Variants in CLTC observed in about 807,000 individuals in gnomAD.
The protein encoded by CLTC is clathrin heavy chain.
In CLTC, 16 loss-of-function variants were observed where a neutral mutation model predicts 195.8. The observed-to-expected ratio is 0.08, with a 90% CI of 0.06 to 0.12. CLTC has a LOEUF of 0.12. CLTC is among the 10% of genes least tolerant of loss of function. The probability of loss-of-function intolerance (pLI) is 1.00; values close to 1 mark genes in which losing one functional copy is unlikely to be tolerated. For missense variants in CLTC, 796 were observed against 2,027.0 expected (o/e 0.39, Z 11.66); for synonymous variants, 667 against 689.4 (o/e 0.97, Z 0.51).
chr17:59,696,557 G>A lies in CLTC; in HGVS notation c.*2705G>A, dbSNP rs2033431252. 9.4e-6 allele frequency: 2 copies of A among 211,972 alleles called. No individual in the cohort carries two copies. The highest frequency in any genetic ancestry group is 1.2e-4 in the Admixed American group (2 of 17,076). The allele number at this position is 211,972 out of a possible 1,614,324, so 13.1% of individuals were successfully genotyped here. A position where few individuals can be genotyped will look rare whatever the true frequency, so the allele number is the denominator to read the frequency against. ...TTTCTAACAAGATGACTATCAGGAA[G>A]CTATGTGGCTTGGGGAGTTGGGACC... On this transcript the variant is annotated 3_prime_UTR_variant, in exon 32 of 32. Coordinates refer to ENST00000269122, the MANE Select transcript of CLTC (RefSeq NM_004859.4).
In CLTC at chr17:59,654,655, G is replaced by A. The variant is rs548927268; in HGVS notation, c.796-1199G>A. 2.1e-3 allele frequency among the ~76,000 whole-genome samples: 317 copies of A among 151,984 alleles called. 3 individuals are homozygous for A. The highest frequency in any genetic ancestry group is 7.4e-3 in the East Asian group (38 of 5,164). ...CTGCCATGCCTGGCTAATTTCTTCC[G>A]TATTTAGTAGAGACAGGGTTTCACT... On this transcript the variant is annotated intron_variant, in intron 5 of 31. Transcript: ENST00000269122.
chr17:59,661,501 G>A lies in CLTC; in HGVS notation c.1226G>A (p.Gly409Asp). Residue 409 changes from glycine (G) to aspartate (D), a missense_variant, in exon 8 of 32, where the codon GGT (glycine) becomes GAT (aspartate). By Grantham distance (94) the Gly-to-Asp change is moderately conservative. Around this residue, in one of 9 missense-constraint regions of CLTC, gnomAD observed 293 missense variants for 795.6 expected, o/e 0.37. Coordinates refer to ENST00000269122, the MANE Select transcript of CLTC (RefSeq NM_004859.4). Reference sequence around the variant, plus strand: ...TTCCAGAGTGTCCCAGCCCAGCCAGGTCAAACTTCTCCTCTACTTCAGTAC... The same window carrying A: ...TTCCAGAGTGTCCCAGCCCAGCCAGATCAAACTTCTCCTCTACTTCAGTAC... ...RRFQSVPAQP[G>D]QTSPLLQYFG... 6.2e-7 allele frequency: 1 copy of A among 1,614,090 alleles called. No individual in the cohort carries two copies. Among genetic ancestry groups the A allele is most frequent in the Admixed American group, 1.7e-5 (1 of 60,014 alleles).
At chr17:59,668,381 T>C (rs2032776834) in intron 13 of CLTC, among the ~76,000 whole-genome samples, 1 of 152,164 alleles carries the variant, frequency 6.6e-6, no homozygotes, top group Non-Finnish European at 1.5e-5. Context: ...ACACCATCTC[T>C]ACAAAAATTT....
intron 6 of CLTC, 113 bp from the exon 7 acceptor site, chr17:59,660,278 C>A: frequency 2.3e-6 from 2 of 853,176 alleles, no homozygotes; most frequent in Non-Finnish European, 1.8e-6. Flanking sequence ...AAGAAAACAG[C>A]TGTCACAATT....
At position 59,683,882 on chromosome 17, in the gene CLTC, A is replaced by G. The variant is rs1433786906; in HGVS notation, c.4331A>G (p.Gln1444Arg). The change falls in exon 28 of 32, where the codon CAG (glutamine) becomes CGG (arginine). Residue 1444 changes from glutamine (Q) to arginine (R), a missense_variant. Physicochemically the swap from Gln to Arg is conservative, Grantham distance 43. This residue lies in a region of CLTC where 148 missense variants were observed against 279.5 expected (regional missense o/e 0.53). Transcript: ENST00000269122. This position sits in a 1 kb window ranked among gnomAD's most constrained non-coding sequence, Gnocchi z 6.1. ...RAVNYFSKVK[Q>R]LPLVKPYLRS... ...AAACTCTTTATTTTAAAGGTTAAACAGCTACCACTGGTGAAACCGTATTTG... is the reference window on the plus strand; with the variant it reads ...AAACTCTTTATTTTAAAGGTTAAACGGCTACCACTGGTGAAACCGTATTTG... 21 of 1,613,354 alleles carry G rather than the reference A, an allele frequency of 1.3e-5. No individual in the cohort carries two copies. Among genetic ancestry groups the G allele is most frequent in the Non-Finnish European group, 1.8e-5 (21 of 1,179,460 alleles).
In CLTC at chr17:59,682,651, A is replaced by G. The variant is rs2033104983; in HGVS notation, c.3623A>G (p.Glu1208Gly). The G allele has an allele frequency of 6.2e-7, 1 of 1,614,026 alleles. No individual in the cohort carries two copies. ...IQQVGDRCYD[E>G]KMYDAAKLLY... ...CAGGTTGGTGACCGTTGTTATGATGAAAAAATGTATGATGCTGCTAAGTTG... is the reference window on the plus strand; with the variant it reads ...CAGGTTGGTGACCGTTGTTATGATGGAAAAATGTATGATGCTGCTAAGTTG... Residue 1208 changes from glutamate (E) to glycine (G), a missense_variant, in exon 23 of 32, where the codon GAA (glutamate) becomes GGA (glycine). Coordinates refer to ENST00000269122, the MANE Select transcript of CLTC (RefSeq NM_004859.4). This position sits in a 1 kb window ranked among gnomAD's most constrained non-coding sequence, Gnocchi z 6.8.
At chr17:59,653,527 C>T (rs1227843726) in intron 5 of CLTC, among the ~76,000 whole-genome samples, 3 of 151,294 alleles carry the variant, frequency 2.0e-5, no homozygotes, top group African/African-American at 7.3e-5. Context: ...CCCTCTCCTC[C>T]TCTCTCCCCC....
At chr17:59,630,640 C>G (rs1337576724) in intron 1 of CLTC, among the ~76,000 whole-genome samples, 1 of 152,162 alleles carries the variant, frequency 6.6e-6, no homozygotes, top group Non-Finnish European at 1.5e-5. Context: ...TTTACCTGTT[C>G]TGGATATTTC....
At position 59,666,735 on chromosome 17, in the gene CLTC, A is replaced by T; in HGVS notation, c.1948-62A>T. The T allele has an allele frequency of 6.4e-7, 1 of 1,553,092 alleles. No individual in the cohort carries two copies. Among genetic ancestry groups the T allele is most frequent in the Non-Finnish European group, 8.8e-7 (1 of 1,136,804 alleles). ...TGTGGTACTAAATATTAATAATTTC[A>T]TACCACCATGAGGTTCAACATTATT... On this transcript the variant is annotated intron_variant, in intron 12 of 31. Transcript: ENST00000269122. This position sits in a 1 kb window ranked among gnomAD's most constrained non-coding sequence, Gnocchi z 4.9.
intron 31 of CLTC, among the ~76,000 whole-genome samples, chr17:59,692,650 T>TC (rs913529171): frequency 3.3e-5 from 5 of 152,128 alleles, no homozygotes; most frequent in Non-Finnish European, 7.4e-5. Flanking sequence ...TCTTTTTTTT[T>TC]CCCCCAAGAT....
chr17:59,643,135 GTGTGTGTGTGTGT>G (rs2032089003), intron 1 of CLTC, among the ~76,000 whole-genome samples: 1 of 138,626 alleles, frequency 7.2e-6, no homozygotes, highest in Non-Finnish European at 1.5e-5. Context: ...TTTCTGGGGT[GTGTGTGTGTGTGT>G]GTGTGTGTGT....
chr17:59,653,220 GTC>G (rs1192363418), intron 5 of CLTC, among the ~76,000 whole-genome samples: 3 of 151,312 alleles, frequency 2.0e-5, no homozygotes, highest in East Asian at 1.9e-4. Flanking sequence ...TTGAGACAGA[GTC>G]TCTCTCTGTC....
In CLTC at chr17:59,657,902, A is replaced by T. The variant is rs188909435; in HGVS notation, c.969+1875A>T. On this transcript the variant is annotated intron_variant, in intron 6 of 31. Coordinates refer to ENST00000269122, the MANE Select transcript of CLTC (RefSeq NM_004859.4). The stretch of plus-strand genomic sequence containing the variant: ...TAAACTCTTAATTAATTAAAAAAAT[A>T]AAAAAAAAGACAGGGGCTGGGCACA... Among the ~76,000 whole-genome samples the T allele has an allele frequency of 6.6e-4, 99 of 150,756 alleles. 2 individuals carry two copies. The highest frequency in any genetic ancestry group is 5.0e-3 in the Admixed American group (76 of 15,080).
chr17:59,692,204 C>T (rs1169892747), intron 31 of CLTC, among the ~76,000 whole-genome samples: 4 of 152,200 alleles, frequency 2.6e-5, no homozygotes, highest in Non-Finnish European at 5.9e-5. Flanking sequence ...GTAGTCCCAG[C>T]TACTTGGGAG....
intron 2 of CLTC, among the ~76,000 whole-genome samples, chr17:59,645,289 T>G (rs2032161132): frequency 6.6e-6 from 1 of 152,242 alleles, no homozygotes; most frequent in African/African-American, 2.4e-5. Flanking sequence ...AGTAATTGTT[T>G]AAAGTGTGTT....
intron 8 of CLTC, among the ~76,000 whole-genome samples, chr17:59,662,902 T>C (rs907065): frequency 0.82 from 124,824 of 152,188 alleles, 51,457 homozygotes; most frequent in East Asian, 0.93. Flanking sequence ...CAGCGAGACC[T>C]TATTAAATAA....
intron 1 of CLTC, among the ~76,000 whole-genome samples, chr17:59,640,487 C>T (rs1228399152): frequency 2.6e-5 from 4 of 151,840 alleles, no homozygotes; most frequent in African/African-American, 4.8e-5. Context: ...ACCTCCGCCT[C>T]CCGGGTACAA....
rs879782877 is a variant in CLTC at position 59,695,843 on chromosome 17, AAT to A, written c.*1993_*1994del. The A allele has an allele frequency of 0.036, 325 of 8,948 alleles. No homozygotes were observed. Among genetic ancestry groups the A allele is most frequent in the East Asian group, 0.27 (42 of 158 alleles). The allele number at this position is 8,948 out of a possible 1,614,324, so 0.6% of individuals were successfully genotyped here. On this transcript the variant is annotated 3_prime_UTR_variant, in exon 32 of 32. Transcript: ENST00000269122. ...CAAATATCAACACAGAGAAAAAAAA[AAT>A]AATAATAGTATTATGAAAACATTGA...
chr17:59,641,582 C>T (rs564435699), intron 1 of CLTC, among the ~76,000 whole-genome samples: 8 of 110,320 alleles, frequency 7.3e-5, no homozygotes, highest in East Asian at 3.0e-4. Flanking sequence ...GCCTGGCTGG[C>T]GACAGAGCAA....
Sources: allele counts gnomAD v4.1 joint callset (sites outside exome capture counted in the v4.1 genomes callset), GRCh38; gene constraint gnomAD v4.1.1; regional missense constraint gnomAD v4.1.1; non-coding constraint Gnocchi (gnomAD v3.1); transcripts MANE v1.5; gene names NCBI Gene and HGNC (gene_info 2026-07-23, HGNC 2026-07-21).